LURAP1: variants seen among roughly 807,000 people sequenced by gnomAD.
LURAP1 encodes the protein NF-kappa-B activator C1orf190.
In LURAP1, 14 loss-of-function variants were observed where a neutral mutation model predicts 19.0. The observed-to-expected ratio is 0.74, with a 90% CI of 0.49 to 1.15. The LOEUF is 1.15. LURAP1 is among the 50% of genes most tolerant of loss of function. The pLI, the probability that LURAP1 is intolerant of heterozygous loss-of-function variation, is 0.00. For synonymous variants in LURAP1, 129 were observed against 131.8 expected (o/e 0.98, Z 0.14); for missense variants, 273 against 309.1 (o/e 0.88, Z 0.87).
chr1:46,205,265 A>T (rs929837944), intron 1 of LURAP1, among the ~76,000 whole-genome samples: 8 of 152,040 alleles, frequency 5.3e-5, no homozygotes, highest in Non-Finnish European at 1.2e-4. Context: ...ACCCTGTCTC[A>T]AAAAAAGAAG....
chr1:46,206,030 A>T (rs1658704877), intron 1 of LURAP1, among the ~76,000 whole-genome samples: 1 of 152,158 alleles, frequency 6.6e-6, no homozygotes, highest in Non-Finnish European at 1.5e-5. Context: ...CTCCATTCAA[A>T]GGTTGAGTGA....
Position 46,220,507 on chromosome 1 carries a change from G to A in LURAP1, c.*287G>A. 3.2e-6 allele frequency: 1 copy of A among 307,770 alleles called. No homozygotes were observed. The highest frequency in any genetic ancestry group is 6.0e-6 in the Non-Finnish European group (1 of 167,366). The allele number at this position is 307,770 out of a possible 1,614,324, so 19.1% of individuals were successfully genotyped here. On this transcript the variant is annotated 3_prime_UTR_variant, in exon 2 of 2. Coordinates refer to ENST00000371980, the MANE Select transcript of LURAP1 (RefSeq NM_001013615.3). Reference sequence around the variant, plus strand: ...AGCAGTGGCATGATCACAGCTCACTGCAGCCTTGACCTCCTGGGCTCAAGC... The same window carrying A: ...AGCAGTGGCATGATCACAGCTCACTACAGCCTTGACCTCCTGGGCTCAAGC...
Position 46,203,617 on chromosome 1 carries a change from T to C in LURAP1, c.191T>C (p.Met64Thr). The C allele has an allele frequency of 6.2e-7, 1 of 1,601,254 alleles. No homozygotes were observed. Among genetic ancestry groups the C allele is most frequent in the Non-Finnish European group, 8.5e-7 (1 of 1,175,268 alleles). The change falls in exon 1 of 2, where the codon ATG (methionine) becomes ACG (threonine). Residue 64 changes from methionine (M) to threonine (T), a missense_variant. By Grantham distance (81) the Met-to-Thr change is moderately conservative (BLOSUM62 -1). Transcript: ENST00000371980. ...DLGDKIMALK[M>T]ELAYLRAIDV... is the part of the protein sequence containing the mutation. ...GGGGACAAGATCATGGCGCTGAAGA[T>C]GGAGCTGGTGAGTGCTGAATCCATG...
At chr1:46,211,251 CCTT>C (rs1263350195) in intron 1 of LURAP1, among the ~76,000 whole-genome samples, 1 of 152,084 alleles carries the variant, frequency 6.6e-6, no homozygotes, top group Non-Finnish European at 1.5e-5. Flanking sequence ...TGAGTCAGGA[CCTT>C]CTCTGGAATG....
chr1:46,216,149 C>T (rs1213292634), intron 1 of LURAP1, among the ~76,000 whole-genome samples: 1 of 149,684 alleles, frequency 6.7e-6, no homozygotes, highest in Non-Finnish European at 1.5e-5. Context: ...CAGGTTCACG[C>T]CATTCTCCTG....
At chr1:46,218,875 G>GA (rs1415620944) in intron 1 of LURAP1, among the ~76,000 whole-genome samples, 1 of 151,786 alleles carries the variant, frequency 6.6e-6, no homozygotes, top group Non-Finnish European at 1.5e-5. Context: ...AAAGACTAGG[G>GA]AACCAGGTTA....
chr1:46,212,854 A>G (rs1218368609), intron 1 of LURAP1, among the ~76,000 whole-genome samples: 1 of 151,658 alleles, frequency 6.6e-6, no homozygotes, highest in African/African-American at 2.4e-5. Flanking sequence ...CCACCTCCCG[A>G]GTTCACACCA....
chr1:46,205,037 C>T (rs545711060), intron 1 of LURAP1, among the ~76,000 whole-genome samples: 3 of 152,182 alleles, frequency 2.0e-5, no homozygotes, highest in Non-Finnish European at 2.9e-5. Flanking sequence ...GCAGGCAGAT[C>T]GCTTGAGCCC....
chr1:46,204,551 G>T (rs549895023), intron 1 of LURAP1, among the ~76,000 whole-genome samples: 1 of 152,208 alleles, frequency 6.6e-6, no homozygotes, highest in African/African-American at 2.4e-5. Flanking sequence ...TGCCCAGCCT[G>T]TGCCAAGCTG....
At chr1:46,207,876 A>T (rs1002203971) in intron 1 of LURAP1, among the ~76,000 whole-genome samples, 5 of 143,456 alleles carry the variant, frequency 3.5e-5, no homozygotes, top group African/African-American at 1.3e-4. Context: ...TATTATCATT[A>T]TTTTTTTTGA....
intron 1 of LURAP1, among the ~76,000 whole-genome samples, chr1:46,212,273 C>A (rs545832241): frequency 6.6e-6 from 1 of 151,778 alleles, no homozygotes; most frequent in African/African-American, 2.4e-5. Flanking sequence ...ACATAAACAA[C>A]CATGTAAATT....
At chr1:46,208,006 T>C (rs532730823) in intron 1 of LURAP1, among the ~76,000 whole-genome samples, 20 of 152,178 alleles carry the variant, frequency 1.3e-4, no homozygotes, top group Admixed American at 3.9e-4. Context: ...TAGCTGGGAT[T>C]ACAGGCACCC....
intron 1 of LURAP1, among the ~76,000 whole-genome samples, chr1:46,209,765 C>T (rs1658836657): frequency 1.3e-5 from 2 of 151,978 alleles, no homozygotes; most frequent in Non-Finnish European, 2.9e-5. Flanking sequence ...CTTGCCTCAG[C>T]CTCCCAAAGT....
Position 46,219,902 on chromosome 1 carries a change from C to T in LURAP1, c.402C>T (p.Ser134=). The T allele has an allele frequency of 6.2e-7, 1 of 1,613,896 alleles. No individual in the cohort carries two copies. The highest frequency in any genetic ancestry group is 1.1e-5 in the South Asian group (1 of 91,064). ...RGSWDSLPDT[S]TTDRLDSVSI... ...GCTGGGACAGCCTGCCAGACACCAG[C>T]ACCACCGACCGGCTGGACAGTGTCT... Residue 134 remains serine, a synonymous_variant, in exon 2 of 2, where the codon AGC becomes AGT. Transcript: ENST00000371980.
intron 1 of LURAP1, among the ~76,000 whole-genome samples, chr1:46,213,701 C>T (rs983736124): frequency 1.1e-4 from 16 of 152,186 alleles, no homozygotes; most frequent in African/African-American, 2.9e-4. Context: ...GCCTGGACAA[C>T]GTAGCGAGAC....
At chr1:46,211,439 G>GCACACATA (rs764949785) in intron 1 of LURAP1, among the ~76,000 whole-genome samples, 8,111 of 78,914 alleles carry the variant, frequency 0.1, 289 homozygotes, top group Non-Finnish European at 0.16. Context: ...ATGAAAACCT[G>GCACACATA]CACACACACA....
chr1:46,219,612 G>A (rs555932009), intron 1 of LURAP1, 87 bp from the exon 2 acceptor site: 1 of 1,388,174 alleles, frequency 7.2e-7, no homozygotes, highest in South Asian at 1.5e-5. Flanking sequence ...AAACATGGTT[G>A]GCTGAACCAC....
rs917604769 is a variant in LURAP1, at chr1:46,219,751, A to G, written c.251A>G (p.Asn84Ser). ...ATCCTGCAGCAGCTGGTGACCTTGA[A>G]TGAGGGCATCGAGGCAGTGCGCTGG... ...VKILQQLVTLNEGIEAVRWLL... is the reference protein window; with the variant it reads ...VKILQQLVTLSEGIEAVRWLL... Residue 84 changes from asparagine to serine, a missense_variant, in exon 2 of 2, where the codon AAT becomes AGT. By Grantham distance (46) the Asn-to-Ser change is conservative. Coordinates refer to ENST00000371980, the MANE Select transcript of LURAP1 (RefSeq NM_001013615.3). The G allele has an allele frequency of 3.1e-6, 5 of 1,612,366 alleles. No homozygotes were observed. Among genetic ancestry groups the G allele is most frequent in the African/African-American group, 2.7e-5 (2 of 74,930 alleles).
At chr1:46,204,195 G>C (rs1342070582) in intron 1 of LURAP1, among the ~76,000 whole-genome samples, 1 of 152,162 alleles carries the variant, frequency 6.6e-6, no homozygotes, top group Non-Finnish European at 1.5e-5. Context: ...ACCCATAGCA[G>C]GGACAGAGAG....
Sources: gnomAD v4.1 joint callset for allele counts (sites outside exome capture counted in the v4.1 genomes callset) on GRCh38, gnomAD v4.1.1 for gene constraint, MANE v1.5 for transcripts, NCBI Gene and HGNC (gene_info 2026-07-23, HGNC 2026-07-21) for gene names.